ADAMTS6: variants seen among roughly 807,000 people sequenced by gnomAD.
The protein encoded by ADAMTS6 is ADAM metallopeptidase with thrombospondin type 1 motif 6, also known as A disintegrin and metalloproteinase with thrombospondin motifs 6.
A neutral mutation model predicts 144.3 loss-of-function variants in ADAMTS6; 23 were observed. The ratio of observed to expected loss-of-function variants is 0.16; its 90% CI spans 0.11 to 0.23. The LOEUF (loss-of-function observed/expected upper bound fraction) is 0.23. Ranked by LOEUF, ADAMTS6 falls within the 10% of genes least tolerant of loss-of-function variation. The probability of loss-of-function intolerance (pLI) is 1.00; values close to 1 mark genes in which losing one functional copy is unlikely to be tolerated. For synonymous variants in ADAMTS6, 444 were observed against 457.5 expected (o/e 0.97, Z 0.38); for missense variants, 999 against 1,379.6 (o/e 0.72, Z 4.37).
At chr5:65,223,522 A>G (rs748992702) in intron 18 of ADAMTS6, among the ~76,000 whole-genome samples, 14 of 151,980 alleles carry the variant, frequency 9.2e-5, no homozygotes, top group Non-Finnish European at 1.8e-4. Context: ...TCTCTGTTTG[A>G]CTTTTTTAGA....
At chr5:65,174,961 G>A (rs1753878926) in intron 22 of ADAMTS6, among the ~76,000 whole-genome samples, 1 of 152,142 alleles carries the variant, frequency 6.6e-6, no homozygotes, top group South Asian at 2.1e-4. Context: ...GTGTGAAATA[G>A]ACTGGCCAGC....
At position 65,337,631 on chromosome 5, in the gene ADAMTS6, C is replaced by T. The variant is rs1001018111; in HGVS notation, c.1074-3546G>A. On this transcript the variant is annotated intron_variant, in intron 7 of 24. Transcript: ENST00000381055. ...GTTCCTCGATATAACTCTCAGTCGT[C>T]TCCCATCTTATATTTAAATATCATT... is the stretch of plus-strand genomic sequence containing the variant. 2.6e-5 allele frequency among the ~76,000 whole-genome samples: 4 copies of T among 152,100 alleles called. No homozygotes were observed. In the East Asian group the frequency reaches 7.7e-4, roughly 29 times the overall value.
chr5:65,192,920 T>C (rs1034090254), intron 21 of ADAMTS6, among the ~76,000 whole-genome samples: 4 of 152,128 alleles, frequency 2.6e-5, no homozygotes, highest in Middle Eastern at 3.4e-3. Flanking sequence ...TTCTCCCTTT[T>C]TGTATACTGT....
intron 18 of ADAMTS6, among the ~76,000 whole-genome samples, chr5:65,224,082 G>C (rs1328056508): frequency 6.6e-6 from 1 of 152,156 alleles, no homozygotes; most frequent in Non-Finnish European, 1.5e-5. Flanking sequence ...TTACAGGTGT[G>C]AGCCACAGCG....
intron 14 of ADAMTS6, among the ~76,000 whole-genome samples, chr5:65,246,387 C>T (rs905865574): frequency 1.3e-5 from 2 of 152,142 alleles, no homozygotes; most frequent in Admixed American, 6.6e-5. Flanking sequence ...TGCTTAATAG[C>T]TGGCAGATAT....
Position 65,192,056 on chromosome 5 carries a change from A to G in ADAMTS6, c.2706-3836T>C, listed in dbSNP as rs147148169. ...TTTTGGAGTTTTATAGATGACTCTA[A>G]TGAATTTTTTTCTAAGCTTAAAATA... On this transcript the variant is annotated intron_variant, in intron 21 of 24. Coordinates refer to ENST00000381055, the MANE Select transcript of ADAMTS6 (RefSeq NM_197941.4). Among the ~76,000 whole-genome samples the G allele has an allele frequency of 4.9e-3, 749 of 152,220 alleles. 5 individuals carry two copies. The highest frequency in any genetic ancestry group is 0.017 in the African/African-American group (723 of 41,562).
intron 20 of ADAMTS6, among the ~76,000 whole-genome samples, chr5:65,203,289 T>G (rs1359519272): frequency 1.3e-5 from 2 of 152,162 alleles, no homozygotes; most frequent in African/African-American, 4.8e-5. Context: ...CTCGGGAGGC[T>G]GAGGCAGGAG....
At chr5:65,184,687 T>TAA (rs1412713261) in intron 22 of ADAMTS6, among the ~76,000 whole-genome samples, 1 of 152,174 alleles carries the variant, frequency 6.6e-6, no homozygotes, top group Non-Finnish European at 1.5e-5. Flanking sequence ...GAAAACTATG[T>TAA]AAAGTCCAAA....
chr5:65,402,713 T>C (rs868249251), intron 7 of ADAMTS6, among the ~76,000 whole-genome samples: 1 of 151,912 alleles, frequency 6.6e-6, no homozygotes, highest in Non-Finnish European at 1.5e-5. Context: ...TATTTGGCGC[T>C]GGATCCCTTC....
At chr5:65,337,867 T>C (rs1747453411) in intron 7 of ADAMTS6, among the ~76,000 whole-genome samples, 1 of 152,298 alleles carries the variant, frequency 6.6e-6, no homozygotes, top group Non-Finnish European at 1.5e-5. Context: ...TCTCGCTTTA[T>C]CCCAAATATA....
intron 8 of ADAMTS6, 86 bp downstream of exon 8, chr5:65,333,956 T>A: frequency 1.7e-6 from 2 of 1,198,770 alleles, no homozygotes; most frequent in Non-Finnish European, 1.1e-6. Flanking sequence ...AAGATTAAAG[T>A]CATTGGTCCA....
chr5:65,345,354 T>G (rs1748219729), intron 7 of ADAMTS6, among the ~76,000 whole-genome samples: 1 of 151,612 alleles, frequency 6.6e-6, no homozygotes, highest in Non-Finnish European at 1.5e-5. Context: ...AAAATACAGA[T>G]CATGAAGTTG....
intron 14 of ADAMTS6, among the ~76,000 whole-genome samples, chr5:65,253,544 T>C (rs1434560391): frequency 6.6e-6 from 1 of 152,208 alleles, no homozygotes; most frequent in African/African-American, 2.4e-5. Context: ...ATGATATGCA[T>C]AGTATTAAAT....
At chr5:65,368,807 C>A (rs1037058229) in intron 7 of ADAMTS6, among the ~76,000 whole-genome samples, 1 of 152,170 alleles carries the variant, frequency 6.6e-6, no homozygotes, top group Non-Finnish European at 1.5e-5. Flanking sequence ...GTAATCTCAG[C>A]ACTTTGGGAG....
chr5:65,374,285 A>T (rs916514394), intron 7 of ADAMTS6, among the ~76,000 whole-genome samples: 2 of 151,944 alleles, frequency 1.3e-5, no homozygotes, highest in Admixed American at 1.3e-4. Flanking sequence ...AAGGAAATAA[A>T]GGATATTCAA....
At chr5:65,478,527 G>C (rs1439302837) in intron 1 of ADAMTS6, among the ~76,000 whole-genome samples, 1 of 152,196 alleles carries the variant, frequency 6.6e-6, no homozygotes, top group Non-Finnish European at 1.5e-5. Context: ...TAAGAGATTA[G>C]ATTACATATG....
At chr5:65,347,980 C>A (rs1014804335) in intron 7 of ADAMTS6, among the ~76,000 whole-genome samples, 3 of 152,108 alleles carry the variant, frequency 2.0e-5, no homozygotes, top group African/African-American at 7.2e-5. Context: ...GAGAAATCAT[C>A]TCATACTTGT....
Position 65,211,639 on chromosome 5 carries a change from C to CA in ADAMTS6, c.2575+3154dup, listed in dbSNP as rs529496171. Among the ~76,000 whole-genome samples the CA allele has an allele frequency of 1.8e-3, 270 of 151,556 alleles. 1 individual carries two copies. The highest frequency in any genetic ancestry group is 5.3e-3 in the African/African-American group (220 of 41,326). ...AACCCAAAACAAAACAAAAAATAAA[C>CA]AAAAAAAACAAAGTAAAAAAGAGAG... On this transcript the variant is annotated intron_variant, in intron 20 of 24. Coordinates refer to ENST00000381055, the MANE Select transcript of ADAMTS6 (RefSeq NM_197941.4).
At chr5:65,205,316 A>G (rs904575745) in intron 20 of ADAMTS6, among the ~76,000 whole-genome samples, 5 of 152,198 alleles carry the variant, frequency 3.3e-5, no homozygotes, top group African/African-American at 7.2e-5. Flanking sequence ...TTAGTTCACT[A>G]ATAATGTGAA....
Sources: gnomAD v4.1 joint callset for allele counts (sites outside exome capture counted in the v4.1 genomes callset) on GRCh38, gnomAD v4.1.1 for gene constraint, MANE v1.5 for transcripts, NCBI Gene and HGNC (gene_info 2026-07-23, HGNC 2026-07-21) for gene names.